Variants in ATRNL1 observed in about 807,000 individuals in gnomAD.
The protein encoded by ATRNL1 is attractin like 1.
Under a neutral mutation model 182.7 loss-of-function variants are expected in ATRNL1, and 95 were observed. The ratio of observed to expected loss-of-function variants is 0.52; its 90% confidence interval spans 0.44 to 0.62. The LOEUF is 0.62. Ranked by LOEUF, ATRNL1 falls within the 20% of genes least tolerant of loss-of-function variation. The pLI is 0.00. For synonymous variants in ATRNL1, 576 were observed against 568.3 expected (o/e 1.01, Z -0.19); for missense variants, 1,471 against 1,679.5 (o/e 0.88, Z 2.17).
chr10:115,774,121 G>A (rs1259201813), intron 27 of ATRNL1, among the ~76,000 whole-genome samples: 1 of 152,030 alleles, frequency 6.6e-6, no homozygotes, highest in Non-Finnish European at 1.5e-5. Context: ...CCAGCCCCAG[G>A]TGTGGAGTTA....
intron 26 of ATRNL1, among the ~76,000 whole-genome samples, chr10:115,566,442 A>G (rs1351547457): frequency 6.6e-6 from 1 of 152,196 alleles, no homozygotes; most frequent in African/African-American, 2.4e-5. Context: ...AGTAATTTAC[A>G]TATAACCTTT....
At chr10:115,224,516 CAT>C (rs547858547) in intron 9 of ATRNL1, among the ~76,000 whole-genome samples, 251 of 151,920 alleles carry the variant, frequency 1.7e-3, no homozygotes, top group African/African-American at 4.8e-3. Flanking sequence ...AAATAGGAAA[CAT>C]GTGATAGAAA....
At position 115,192,927 on chromosome 10, in the gene ATRNL1, C is replaced by G. The variant is rs534659519; in HGVS notation, c.1348+21635C>G. Among the ~76,000 whole-genome samples the G allele has an allele frequency of 2.6e-5, 4 of 151,880 alleles. No homozygotes were observed. The East Asian group carries it at 7.7e-4, about 29-fold the overall frequency. On this transcript the variant is annotated intron_variant, in intron 8 of 28. Coordinates refer to ENST00000355044, the MANE Select transcript of ATRNL1 (RefSeq NM_207303.4). ...TTTTTTGTATCTTGATTTTGTATCC[C>G]TGCAACATTACTGGATATGTTTATC... is the stretch of plus-strand genomic sequence containing the variant.
chr10:115,544,142 A>G (rs1852514821), intron 25 of ATRNL1, among the ~76,000 whole-genome samples: 1 of 152,216 alleles, frequency 6.6e-6, no homozygotes, highest in South Asian at 2.1e-4. Context: ...AATTTGCCAC[A>G]GTACCAAATT....
At position 115,739,383 on chromosome 10, in the gene ATRNL1, G is replaced by C. The variant is rs140665064; in HGVS notation, c.3903+12028G>C. The stretch of plus-strand genomic sequence containing the variant: ...AAAGTTATAAATACAGTTTAACAAT[G>C]CTTGGGAACAGTGTTATAGCTTTGG... On this transcript the variant is annotated intron_variant, in intron 27 of 28. Coordinates refer to ENST00000355044, the MANE Select transcript of ATRNL1 (RefSeq NM_207303.4). 3.5e-3 allele frequency among the ~76,000 whole-genome samples: 533 copies of C among 152,302 alleles called. 3 individuals carry two copies. The highest frequency in any genetic ancestry group is 0.014 in the Middle Eastern group (4 of 294).
intron 19 of ATRNL1, among the ~76,000 whole-genome samples, chr10:115,361,878 A>T (rs1856766317): frequency 1.3e-5 from 2 of 152,092 alleles, no homozygotes; most frequent in African/African-American, 4.8e-5. Flanking sequence ...GTTTATGATC[A>T]TGTTCACGTA....
intron 28 of ATRNL1, among the ~76,000 whole-genome samples, chr10:115,919,531 C>A (rs1189763450): frequency 2.6e-5 from 4 of 152,034 alleles, no homozygotes; most frequent in African/African-American, 9.7e-5. Context: ...TGAATGTTGA[C>A]TGGTTTTCTT....
chr10:115,457,009 G>A (rs1389190443), intron 21 of ATRNL1, among the ~76,000 whole-genome samples: 1 of 152,056 alleles, frequency 6.6e-6, no homozygotes, highest in Non-Finnish European at 1.5e-5. Flanking sequence ...CAGCTCTTTT[G>A]TTCCTACCAT....
intron 28 of ATRNL1, among the ~76,000 whole-genome samples, chr10:115,870,450 C>T (rs1589628955): frequency 1.3e-5 from 2 of 152,328 alleles, no homozygotes; most frequent in East Asian, 1.9e-4. Flanking sequence ...GTAGCTAGTG[C>T]TTTTGGAATA....
In ATRNL1 at chr10:115,723,609, C is replaced by T. The variant is rs540621843; in HGVS notation, c.3796-3639C>T. The stretch of plus-strand genomic sequence containing the variant: ...TGTTACCCAGGCTGGAGTGCAATGA[C>T]GCAATCTCAGCTCACTGCAACCTCC... On this transcript the variant is annotated intron_variant, in intron 26 of 28. Transcript: ENST00000355044. 1.8e-3 allele frequency among the ~76,000 whole-genome samples: 271 copies of T among 151,980 alleles called. 1 individual carries two copies. Among genetic ancestry groups the T allele is most frequent in the African/African-American group, 6.0e-3 (248 of 41,466 alleles).
At chr10:115,479,987 A>G (rs930018429) in intron 24 of ATRNL1, among the ~76,000 whole-genome samples, 1 of 151,316 alleles carries the variant, frequency 6.6e-6, no homozygotes, top group African/African-American at 2.4e-5. Context: ...ATCAATCTGC[A>G]AAGTGATGTC....
Position 115,179,282 on chromosome 10 carries a change from C to T in ATRNL1, c.1348+7990C>T, listed in dbSNP as rs142703714. Among the ~76,000 whole-genome samples the T allele has an allele frequency of 4.8e-3, 733 of 152,164 alleles. 5 individuals are homozygous for T. Among genetic ancestry groups the T allele is most frequent in the African/African-American group, 0.016 (645 of 41,536 alleles). The stretch of plus-strand genomic sequence containing the variant: ...CCTCTGGCTTCCAGGTAGGCTGAGC[C>T]AGTGGTGGTAGATCTGATGGTGGGA... On this transcript the variant is annotated intron_variant, in intron 8 of 28. Coordinates refer to ENST00000355044, the MANE Select transcript of ATRNL1 (RefSeq NM_207303.4).
chr10:115,527,798 TTCCCTCCCTC>T (rs1851303589), intron 25 of ATRNL1, among the ~76,000 whole-genome samples: 2 of 82,652 alleles, frequency 2.4e-5, no homozygotes, highest in African/African-American at 9.7e-5. Context: ...CCCTCCCTCC[TTCCCTCCCTC>T]CCTTCCTTCC....
chr10:115,610,857 C>G (rs975447598), intron 26 of ATRNL1, among the ~76,000 whole-genome samples: 1 of 152,092 alleles, frequency 6.6e-6, no homozygotes, highest in African/African-American at 2.4e-5. Context: ...GAGTTATATA[C>G]TTAAGGAACC....
rs1484217934 is a variant in ATRNL1, at chr10:115,945,105, C to A, written c.*326C>A. ...TTCATATAAATCAACTGTTTATATCCCAAGACTTGAAAGAAAGACATTTTT... is the reference window on the plus strand; with the variant it reads ...TTCATATAAATCAACTGTTTATATCACAAGACTTGAAAGAAAGACATTTTT... On this transcript the variant is annotated 3_prime_UTR_variant, in exon 29 of 29. Coordinates refer to ENST00000355044, the MANE Select transcript of ATRNL1 (RefSeq NM_207303.4). 2 of 175,458 alleles carry A rather than the reference C, an allele frequency of 1.1e-5. No homozygotes were observed. Among genetic ancestry groups the A allele is most frequent in the Non-Finnish European group, 1.2e-5 (1 of 84,058 alleles). The allele number at this position is 175,458 out of a possible 1,614,324, so 10.9% of individuals were successfully genotyped here.
rs782351488 is a variant in ATRNL1, at chr10:115,160,133, A to T, written c.923A>T (p.His308Leu). The change falls in exon 6 of 29, where the codon CAT becomes CTT. Residue 308 changes from histidine (H) to leucine (L), a missense_variant. His to Leu is a moderately conservative substitution (Grantham distance 99). Around this residue, in one of 3 missense-constraint regions of ATRNL1, gnomAD observed 1,031 missense variants for 1,156.0 expected, o/e 0.89. Coordinates refer to ENST00000355044, the MANE Select transcript of ATRNL1 (RefSeq NM_207303.4). ...PFSPSVGRASHKAVLHGKFMW... is the reference protein window; with the variant it reads ...PFSPSVGRASLKAVLHGKFMW... ...AGTCCTTCTGTAGGTCGGGCTTCAC[A>T]TAAAGCAGTTTTACACGGGAAATTT... The T allele has an allele frequency of 6.2e-7, 1 of 1,612,838 alleles. No individual in the cohort carries two copies.
At chr10:115,515,058 C>T (rs1337296961) in intron 24 of ATRNL1, among the ~76,000 whole-genome samples, 1 of 151,930 alleles carries the variant, frequency 6.6e-6, no homozygotes, top group East Asian at 1.9e-4. Flanking sequence ...AGAACTTCCT[C>T]AGGATCCCTT....
intron 28 of ATRNL1, among the ~76,000 whole-genome samples, chr10:115,885,358 A>T (rs1951919237): frequency 5.3e-5 from 8 of 152,206 alleles, no homozygotes; most frequent in Admixed American, 5.2e-4. Context: ...ACTGTGGTTC[A>T]TCTTACCACC....
chr10:115,174,860 T>G (rs1435411721), intron 8 of ATRNL1, among the ~76,000 whole-genome samples: 1 of 151,792 alleles, frequency 6.6e-6, no homozygotes, highest in African/African-American at 2.4e-5. Context: ...GGCATATAGT[T>G]TTTTTTTGGA....
Sources: gnomAD v4.1 joint callset for allele counts (sites outside exome capture counted in the v4.1 genomes callset) on GRCh38, gnomAD v4.1.1 for gene constraint, gnomAD v4.1.1 regional missense constraint, MANE v1.5 for transcripts, NCBI Gene and HGNC (gene_info 2026-07-23, HGNC 2026-07-21) for gene names.